Variants in ARHGAP32 observed in about 807,000 individuals in gnomAD.
ARHGAP32 encodes the protein rho GTPase-activating protein 32.
A neutral mutation model predicts 186.5 loss-of-function variants in ARHGAP32; 51 were observed. The observed-to-expected ratio is 0.27, with a 90% CI of 0.22 to 0.35. The LOEUF (loss-of-function observed/expected upper bound fraction) is 0.35, where lower values mean the gene tolerates loss of function less well. Among genes scored for constraint, ARHGAP32 ranks in the 10% least tolerant of loss-of-function variants. ARHGAP32 has a pLI of 1.00. For synonymous variants in ARHGAP32, 950 were observed against 964.3 expected, an observed-to-expected ratio of 0.99 and a Z score of 0.27; for missense variants, 2,186 against 2,623.5, an observed-to-expected ratio of 0.83 and a Z score of 3.64.
chr11:129,023,510 AG>A (rs1339297162), intron 11 of ARHGAP32, among the ~76,000 whole-genome samples: 1 of 152,228 alleles, frequency 6.6e-6, no homozygotes, highest in Non-Finnish European at 1.5e-5. Flanking sequence ...TAAGAAATAA[AG>A]GCAGGTTCTT....
chr11:129,174,524 G>T (rs1399508525), intron 1 of ARHGAP32, among the ~76,000 whole-genome samples: 1 of 152,204 alleles, frequency 6.6e-6, no homozygotes, highest in African/African-American at 2.4e-5. Flanking sequence ...AGTAACCTCT[G>T]CAGACTTAAA....
intron 10 of ARHGAP32, among the ~76,000 whole-genome samples, chr11:129,051,269 A>G (rs1433002669): frequency 3.3e-5 from 5 of 152,226 alleles, no homozygotes; most frequent in Non-Finnish European, 7.3e-5. Context: ...ACAGTGTAAA[A>G]GCGTTCCTAT....
At chr11:129,011,443 A>T (rs1938074843) in intron 11 of ARHGAP32, among the ~76,000 whole-genome samples, 1 of 152,180 alleles carries the variant, frequency 6.6e-6, no homozygotes, top group Non-Finnish European at 1.5e-5. Flanking sequence ...CGTATTAGTG[A>T]CTTGAAAGAA....
Position 128,971,173 on chromosome 11 carries a change from A to T in ARHGAP32, c.4054-14T>A, listed in dbSNP as rs768422231. 1.9e-6 allele frequency: 3 copies of T among 1,590,146 alleles called. No homozygotes were observed. Among genetic ancestry groups the T allele is most frequent in the African/African-American group, 2.7e-5 (2 of 74,412 alleles). ...TACTCCTTGAACCTATTGAAAGATG[A>T]TAATACTATGGGTCTATTTTTTGTT... On this transcript the variant is annotated splice_polypyrimidine_tract_variant and intron_variant, in intron 22 of 22. Transcript: ENST00000682385.
At chr11:129,247,450 T>C (rs921127598) in intron 1 of ARHGAP32, among the ~76,000 whole-genome samples, 2 of 152,076 alleles carry the variant, frequency 1.3e-5, no homozygotes, top group African/African-American at 2.4e-5. Flanking sequence ...ACAACATACA[T>C]CAAAGGAGGA....
intron 1 of ARHGAP32, among the ~76,000 whole-genome samples, chr11:129,270,730 TAA>T (rs1384367688): frequency 7.0e-6 from 1 of 143,270 alleles, no homozygotes; most frequent in African/African-American, 2.6e-5. Flanking sequence ...ATAGTCTACT[TAA>T]AAAAAAAAAG....
At chr11:129,082,783 A>G (rs28835339) in intron 6 of ARHGAP32, among the ~76,000 whole-genome samples, 5 of 152,012 alleles carry the variant, frequency 3.3e-5, no homozygotes, top group African/African-American at 1.2e-4. Flanking sequence ...CAGAGTATAC[A>G]AACAACCCAC....
At chr11:129,145,698 G>A (rs912715342) in intron 2 of ARHGAP32, among the ~76,000 whole-genome samples, 1 of 152,046 alleles carries the variant, frequency 6.6e-6, no homozygotes, top group African/African-American at 2.4e-5. Context: ...CAATTCAAAC[G>A]GTTATAGGCC....
chr11:129,082,882 AAACAACAAC>A (rs749344692), intron 6 of ARHGAP32, among the ~76,000 whole-genome samples: 63 of 151,692 alleles, frequency 4.2e-4, no homozygotes, highest in African/African-American at 1.1e-3. Context: ...CAGCAAGACA[AAACAACAAC>A]AACAACAACA....
chr11:129,177,088 A>C (rs1444583092), intron 1 of ARHGAP32, among the ~76,000 whole-genome samples: 12 of 150,734 alleles, frequency 8.0e-5, no homozygotes, highest in South Asian at 2.1e-4. Flanking sequence ...GACGCAATAA[A>C]AAATGATAAA....
At chr11:129,064,777 T>C in intron 8 of ARHGAP32, 64 bp downstream of exon 8, 1 of 1,251,758 alleles carries the variant, frequency 8.0e-7, no homozygotes, top group African/African-American at 1.5e-5. Context: ...ATTATGTTAA[T>C]ATCAAATTTC....
intron 5 of ARHGAP32, among the ~76,000 whole-genome samples, chr11:129,110,465 A>G (rs1204082987): frequency 6.6e-6 from 1 of 152,090 alleles, no homozygotes; most frequent in Non-Finnish European, 1.5e-5. Flanking sequence ...TGTTTTTTCT[A>G]TTTATGTGAA....
At chr11:129,002,754 A>G (rs1014723279) in intron 11 of ARHGAP32, among the ~76,000 whole-genome samples, 2 of 150,148 alleles carry the variant, frequency 1.3e-5, no homozygotes, top group Non-Finnish European at 3.0e-5. Flanking sequence ...ATGCTGACAC[A>G]TGTTCCTTCT....
chr11:129,180,817 T>C (rs1944038894), intron 1 of ARHGAP32, among the ~76,000 whole-genome samples: 1 of 151,982 alleles, frequency 6.6e-6, no homozygotes, highest in African/African-American at 2.4e-5. Flanking sequence ...TCAATGAAAA[T>C]GAAAAATAGG....
In ARHGAP32 at chr11:128,986,611, G is replaced by A; in HGVS notation, c.1356C>T (p.Asp452=). Residue 452 remains aspartate, a synonymous_variant, in exon 14 of 23, where the codon GAC becomes GAT. Transcript: ENST00000682385. The part of the protein sequence containing the change: ...PDLTKEPYVQ[D]IHSVGSLCKL... ...TACATAGGGAACCCACAGAATGGAT[G>A]TCCTGAACATACGGTTCTTTCGTCA... The A allele has an allele frequency of 6.2e-7, 1 of 1,614,078 alleles. No homozygotes were observed. Among genetic ancestry groups the A allele is most frequent in the African/African-American group, 1.3e-5 (1 of 75,068 alleles).
intron 1 of ARHGAP32, among the ~76,000 whole-genome samples, chr11:129,209,215 T>C (rs1021627928): frequency 9.2e-5 from 14 of 152,164 alleles, no homozygotes; most frequent in African/African-American, 3.4e-4. Flanking sequence ...AAGCAAATTA[T>C]CTTTGAAAGT....
At chr11:129,012,074 A>T (rs940685825) in intron 11 of ARHGAP32, among the ~76,000 whole-genome samples, 2 of 152,164 alleles carry the variant, frequency 1.3e-5, no homozygotes, top group Non-Finnish European at 2.9e-5. Context: ...TGACTTCTGA[A>T]TCATGTTAAT....
chr11:129,088,473 G>A (rs917819830), intron 6 of ARHGAP32, among the ~76,000 whole-genome samples: 6 of 152,052 alleles, frequency 3.9e-5, no homozygotes, highest in Admixed American at 1.3e-4. Context: ...TCAGATACTC[G>A]GGAGGCTGAG....
chr11:129,002,386 T>A (rs1159586609), intron 11 of ARHGAP32, among the ~76,000 whole-genome samples: 2 of 152,224 alleles, frequency 1.3e-5, no homozygotes, highest in African/African-American at 4.8e-5. Flanking sequence ...GATTTCTTTT[T>A]CAGATTGTTC....
Sources: allele counts gnomAD v4.1 joint callset (sites outside exome capture counted in the v4.1 genomes callset), GRCh38; gene constraint gnomAD v4.1.1; transcripts MANE v1.5; gene names NCBI Gene and HGNC (gene_info 2026-07-23, HGNC 2026-07-21).